The following GRM7 variants were observed in gnomAD, a reference collection of about 807,000 sequenced individuals.
GRM7 encodes the protein metabotropic glutamate receptor 7.
A neutral mutation model predicts 84.5 loss-of-function variants in GRM7; 35 were observed. The ratio of observed to expected loss-of-function variants is 0.41; its 90% CI spans 0.32 to 0.55. The LOEUF is 0.55. Among genes scored for constraint, GRM7 ranks in the 20% least tolerant of loss-of-function variants. GRM7 has a pLI of 0.19. For missense variants in GRM7, 1,003 were observed against 1,194.6 expected (o/e 0.84, Z 2.36); for synonymous variants, 487 against 455.1 (o/e 1.07, Z -0.89).
Position 7,485,443 on chromosome 3 carries a change from C to A in GRM7, c.1515+23721C>A, listed in dbSNP as rs183746704. 1.1e-3 allele frequency among the ~76,000 whole-genome samples: 175 copies of A among 152,288 alleles called. 1 individual carries two copies. The highest frequency in any genetic ancestry group is 4.0e-3 in the African/African-American group (167 of 41,546). On this transcript the variant is annotated intron_variant, in intron 7 of 9. Transcript: ENST00000357716. The stretch of plus-strand genomic sequence containing the variant: ...TATGCAGTGTAAATAGGTTGAGGGA[C>A]CTCATCAGTTCTAATACCACAAGTC...
chr3:7,111,978 T>C (rs1490688034), intron 1 of GRM7, among the ~76,000 whole-genome samples: 1 of 152,112 alleles, frequency 6.6e-6, no homozygotes, highest in African/African-American at 2.4e-5. Flanking sequence ...AAAACTGTAT[T>C]CCTTAGCTGC....
At chr3:7,197,264 A>G (rs190417221) in intron 2 of GRM7, among the ~76,000 whole-genome samples, 1 of 152,336 alleles carries the variant, frequency 6.6e-6, no homozygotes, top group East Asian at 1.9e-4. Context: ...CTGGGTGCTC[A>G]TCGTCTGCTG....
chr3:7,235,027 C>T (rs773757595), intron 2 of GRM7, among the ~76,000 whole-genome samples: 7 of 152,132 alleles, frequency 4.6e-5, no homozygotes, highest in African/African-American at 1.4e-4. Context: ...CTCTGTAGAT[C>T]CCTTTTGATA....
intron 1 of GRM7, among the ~76,000 whole-genome samples, chr3:6,982,627 T>C (rs971463201): frequency 2.0e-4 from 31 of 151,920 alleles, no homozygotes; most frequent in African/African-American, 7.5e-4. Flanking sequence ...AAAAAAAACC[T>C]TTATGTTATT....
At chr3:7,581,401 C>T (rs568404135) in intron 8 of GRM7, among the ~76,000 whole-genome samples, 9 of 152,220 alleles carry the variant, frequency 5.9e-5, no homozygotes, top group South Asian at 2.1e-4. Flanking sequence ...TGAAGTTTTA[C>T]GTGGTTGATT....
At chr3:7,255,178 C>T (rs1698150172) in intron 2 of GRM7, among the ~76,000 whole-genome samples, 1 of 152,232 alleles carries the variant, frequency 6.6e-6, no homozygotes, top group Non-Finnish European at 1.5e-5. Flanking sequence ...AATCTATCAT[C>T]TTTGACCTCA....
chr3:7,343,555 A>AT (rs201885300), intron 4 of GRM7, among the ~76,000 whole-genome samples: 5 of 152,120 alleles, frequency 3.3e-5, no homozygotes, highest in East Asian at 3.9e-4. Flanking sequence ...AAATTGCTTG[A>AT]TTTTTTTATT....
chr3:7,638,176 G>T (rs1406798798), intron 8 of GRM7, among the ~76,000 whole-genome samples: 2 of 151,668 alleles, frequency 1.3e-5, no homozygotes, highest in Non-Finnish European at 2.9e-5. Context: ...GTAAGGTCAA[G>T]TTCCAGAATC....
At chr3:7,706,526 TAAC>T (rs1701393593) in intron 9 of GRM7, among the ~76,000 whole-genome samples, 1 of 152,162 alleles carries the variant, frequency 6.6e-6, no homozygotes, top group African/African-American at 2.4e-5. Flanking sequence ...GCTGTTATAC[TAAC>T]AATACAATTT....
At chr3:7,648,967 GA>G (rs1236776421) in intron 8 of GRM7, among the ~76,000 whole-genome samples, 3 of 150,118 alleles carry the variant, frequency 2.0e-5, no homozygotes, top group Non-Finnish European at 4.4e-5. Flanking sequence ...CAAACTGAAG[GA>G]AGCACTCATT....
intron 1 of GRM7, among the ~76,000 whole-genome samples, chr3:7,099,974 A>T (rs1402915402): frequency 6.8e-6 from 1 of 148,008 alleles, no homozygotes; most frequent in Non-Finnish European, 1.5e-5. Flanking sequence ...TTATACATAT[A>T]TAATTGCATA....
chr3:7,310,123 A>T (rs1700339799), intron 4 of GRM7, among the ~76,000 whole-genome samples: 1 of 152,176 alleles, frequency 6.6e-6, no homozygotes, highest in Admixed American at 6.5e-5. Flanking sequence ...TGTCCTAGGC[A>T]TCCTCTAATT....
chr3:7,290,696 CTGCTATTTATTACACT>C (rs546012414), intron 2 of GRM7, among the ~76,000 whole-genome samples: 1 of 152,248 alleles, frequency 6.6e-6, no homozygotes, highest in East Asian at 1.9e-4. Flanking sequence ...AGCATAACCT[CTGCTATTTATTACACT>C]TTACTGCAAC....
intron 1 of GRM7, among the ~76,000 whole-genome samples, chr3:6,965,537 G>T (rs1419408257): frequency 2.0e-5 from 3 of 151,814 alleles, no homozygotes; most frequent in Non-Finnish European, 4.4e-5. Flanking sequence ...GTCTCACTAT[G>T]TTGCCCAGGC....
chr3:7,190,399 T>A (rs905535880), intron 2 of GRM7, among the ~76,000 whole-genome samples: 1 of 152,158 alleles, frequency 6.6e-6, no homozygotes. Context: ...AAAATAAGAC[T>A]CAGAAGCAGA....
intron 6 of GRM7, among the ~76,000 whole-genome samples, chr3:7,453,029 A>ATTTT (rs60916756): frequency 5.4e-4 from 76 of 141,930 alleles, no homozygotes; most frequent in African/African-American, 1.8e-3. Flanking sequence ...TGAAATAGAG[A>ATTTT]TTTTTTTTTT....
At chr3:6,873,238 A>T (rs938058644) in intron 1 of GRM7, among the ~76,000 whole-genome samples, 2 of 151,914 alleles carry the variant, frequency 1.3e-5, no homozygotes, top group African/African-American at 2.4e-5. Flanking sequence ...GGCCTGGCTA[A>T]TTTTTTGTAT....
chr3:7,336,642 C>T (rs914083385), intron 4 of GRM7, among the ~76,000 whole-genome samples: 5 of 151,760 alleles, frequency 3.3e-5, no homozygotes. Context: ...ACCTAGAAAA[C>T]CCTAAAGTCT....
chr3:7,349,922 G>T (rs7625125), intron 4 of GRM7, among the ~76,000 whole-genome samples: 2,648 of 151,604 alleles, frequency 0.017, 74 homozygotes, highest in African/African-American at 0.061. Context: ...TGCTTGATAG[G>T]CATCTTTAAG....
Sources: gnomAD v4.1 joint callset for allele counts (sites outside exome capture counted in the v4.1 genomes callset) on GRCh38, gnomAD v4.1.1 for gene constraint, MANE v1.5 for transcripts, NCBI Gene and HGNC (gene_info 2026-07-23, HGNC 2026-07-21) for gene names.